Variants in NR1I3 observed in about 807,000 individuals in gnomAD.
The protein encoded by NR1I3 is constitutive activator of retinoid response.
NR1I3 carries 30 observed loss-of-function variants against 38.4 expected under a neutral mutation model. The ratio of observed to expected loss-of-function variants is 0.78; its 90% CI spans 0.58 to 1.06. The LOEUF (loss-of-function observed/expected upper bound fraction) is 1.06, where lower values mean the gene tolerates loss of function less well. Among genes scored for constraint, NR1I3 ranks in the 50% least tolerant of loss-of-function variants. The pLI is 0.00. For synonymous variants in NR1I3, 143 were observed against 165.1 expected (o/e 0.87, Z 1.03); for missense variants, 388 against 435.7 (o/e 0.89, Z 0.97).
Position 161,233,346 on chromosome 1 carries a change from A to G in NR1I3, c.239-8T>C. On this transcript the variant is annotated splice_polypyrimidine_tract_variant and splice_region_variant and intron_variant, in intron 3 of 8. Coordinates refer to ENST00000367983, the MANE Select transcript of NR1I3 (RefSeq NM_005122.5). ...CTTCTGCCGACAGTATCACTGTGCC[A>G]GGCAAGAGATCATGACAAAGCTGTT... 1 of 1,611,926 alleles carries G rather than the reference A, an allele frequency of 6.2e-7. No individual in the cohort carries two copies. The highest frequency in any genetic ancestry group is 8.5e-7 in the Non-Finnish European group (1 of 1,179,520).
At chr1:161,233,421 AG>A in intron 3 of NR1I3, 83 bp from the exon 4 acceptor site, 2 of 1,458,546 alleles carry the variant, frequency 1.4e-6, no homozygotes, top group Non-Finnish European at 1.9e-6. Flanking sequence ...GGGGCCCCTC[AG>A]CTGCCCTGCA....
intron 3 of NR1I3, among the ~76,000 whole-genome samples, chr1:161,234,139 C>T (rs1402649995): frequency 4.6e-5 from 7 of 151,348 alleles, no homozygotes; most frequent in African/African-American, 1.5e-4. Context: ...ATTACAGGCA[C>T]CCACCATCAC....
intron 1 of NR1I3, among the ~76,000 whole-genome samples, chr1:161,236,915 A>AT (rs58528236): frequency 4.8e-5 from 7 of 144,906 alleles, no homozygotes; most frequent in African/African-American, 1.1e-4. Context: ...TTATTTATTT[A>AT]TTTTTTTTGT....
Position 161,230,892 on chromosome 1 carries a change from C to T in NR1I3, c.838G>A (p.Glu280Lys), listed in dbSNP as rs768982496. The T allele has an allele frequency of 1.2e-6, 2 of 1,614,044 alleles. No individual in the cohort carries two copies. Among genetic ancestry groups the T allele is most frequent in the Non-Finnish European group, 8.5e-7 (1 of 1,180,036 alleles). The change falls in exon 8 of 9, where the codon GAG becomes AAG. Residue 280 changes from glutamate to lysine, a missense_variant. Transcript: ENST00000367983. ...ATCTCCTCTTGCAGCTGATCAATCT[C>T]ATCTCTCTGGGTAACTCCAGGTCGG... ...PDRPGVTQRD[E>K]IDQLQEEMAL...
rs1426193962 is a variant in NR1I3, at chr1:161,229,758, G to A, written c.*39C>T. 1.9e-6 allele frequency: 3 copies of A among 1,614,108 alleles called. No homozygotes were observed. Among genetic ancestry groups the A allele is most frequent in the Non-Finnish European group, 2.5e-6 (3 of 1,180,052 alleles). ...CATTTTCCCACTCCAGTGTATCCAG[G>A]GTGTTCCAGGTGAGCTGGGGAAGGA... On this transcript the variant is annotated 3_prime_UTR_variant, in exon 9 of 9. Transcript: ENST00000367983.
chr1:161,237,671 T>C (rs903794192), intron 1 of NR1I3, among the ~76,000 whole-genome samples: 2 of 151,504 alleles, frequency 1.3e-5, no homozygotes, highest in Admixed American at 6.6e-5. Context: ...CGAGCCGAGA[T>C]TGCGCCACTG....
chr1:161,233,561 C>T (rs1217147242), intron 3 of NR1I3, among the ~76,000 whole-genome samples: 1 of 152,036 alleles, frequency 6.6e-6, no homozygotes, highest in African/African-American at 2.4e-5. Context: ...CAGCAGAAAA[C>T]TGCACTGTGG....
At chr1:161,234,123 G>C (rs1445015738) in intron 3 of NR1I3, among the ~76,000 whole-genome samples, 2 of 151,130 alleles carry the variant, frequency 1.3e-5, no homozygotes, top group African/African-American at 2.4e-5. Flanking sequence ...CTCCTGACTA[G>C]CTGGGATTAC....
intron 5 of NR1I3, 86 bp from the exon 6 acceptor site, chr1:161,231,560 G>T (rs11265567): frequency 0.34 from 470,577 of 1,367,114 alleles, 83,305 homozygotes; most frequent in East Asian, 0.52. Flanking sequence ...GAGTGCAGTG[G>T]CGTGATCTCT....
Position 161,237,960 on chromosome 1 carries a change from A to T in NR1I3, c.-34+81T>A. The T allele has an allele frequency of 8.7e-6, 12 of 1,385,436 alleles. No homozygotes were observed. In the South Asian group the frequency reaches 1.3e-4, roughly 15 times the overall value. 85.8% of individuals were successfully genotyped at this position (1,385,436 alleles called of 1,614,324 possible). On this transcript the variant is annotated intron_variant, in intron 1 of 8. Coordinates refer to ENST00000367983, the MANE Select transcript of NR1I3 (RefSeq NM_005122.5). ...TGGCCTCCCAAAGTGCTGGAATGAC[A>T]CACGTGAGCCACTATGCCTAGCCCC...
rs751908933 is a variant in NR1I3 at position 161,236,476 on chromosome 1, G to A, written c.90C>T (p.Gly30=). ...ACTCTCACCTGAAGAAACCCTTGCA[G>A]CCCTCACAAGTCAGCGCATTAAAGT... ...GYHFNALTCE[G]CKGFFRRTVS... The change falls in exon 2 of 9, where the codon GGC becomes GGT. Residue 30 remains glycine, a synonymous_variant. Transcript: ENST00000367983. The A allele has an allele frequency of 3.1e-6, 5 of 1,614,034 alleles. No homozygotes were observed. In the Admixed American group the frequency reaches 8.3e-5, roughly 27 times the overall value.
rs2307416 is a variant in NR1I3 at position 161,229,711 on chromosome 1, C to G, written c.*86G>C. 6.2e-7 allele frequency: 1 copy of G among 1,614,190 alleles called. No homozygotes were observed. Among genetic ancestry groups the G allele is most frequent in the African/African-American group, 1.3e-5 (1 of 75,062 alleles). On this transcript the variant is annotated 3_prime_UTR_variant, in exon 9 of 9. Coordinates refer to ENST00000367983, the MANE Select transcript of NR1I3 (RefSeq NM_005122.5). ...TGCAACCACTGGGCTCCCTTTGAACCCGGCCCAATCTTTGGTCCCAGCATT... is the reference window on the plus strand; with the variant it reads ...TGCAACCACTGGGCTCCCTTTGAACGCGGCCCAATCTTTGGTCCCAGCATT...
At chr1:161,232,707 A>T in intron 5 of NR1I3, 100 bp downstream of exon 5, 1 of 1,186,302 alleles carries the variant, frequency 8.4e-7, no homozygotes, top group East Asian at 2.3e-5. Flanking sequence ...ATGCTTGGAA[A>T]GGCTGACGCA....
chr1:161,233,931 G>A (rs61801107), intron 3 of NR1I3, among the ~76,000 whole-genome samples: 2 of 101,630 alleles, frequency 2.0e-5, no homozygotes, highest in Non-Finnish European at 4.0e-5. Flanking sequence ...ATATATATGT[G>A]TATACATGTA....
chr1:161,230,613 A>C, intron 8 of NR1I3, 200 bp downstream of exon 8: 1 of 678,998 alleles, frequency 1.5e-6, no homozygotes, highest in Non-Finnish European at 2.4e-6. Flanking sequence ...AAAAAGTGAG[A>C]TGAAACAGCA....
intron 3 of NR1I3, among the ~76,000 whole-genome samples, chr1:161,234,388 A>G (rs1394004797): frequency 6.6e-6 from 1 of 152,266 alleles, no homozygotes; most frequent in East Asian, 1.9e-4. Context: ...ATTGAATTCA[A>G]ACCAAAATCT....
In NR1I3 at chr1:161,233,152, A is replaced by G; in HGVS notation, c.408+17T>C. The G allele has an allele frequency of 6.2e-7, 1 of 1,610,554 alleles. No individual in the cohort carries two copies. Among genetic ancestry groups the G allele is most frequent in the Non-Finnish European group, 8.5e-7 (1 of 1,176,974 alleles). On this transcript the variant is annotated intron_variant, in intron 4 of 8. Transcript: ENST00000367983. The stretch of plus-strand genomic sequence containing the variant: ...CCCTTTTAGTTGTATTCCAACCCAA[A>G]TCCTGTCGGTGCTCACCCTAAACTG...
chr1:161,235,654 G>T, intron 3 of NR1I3, 193 bp downstream of exon 3: 1 of 584,270 alleles, frequency 1.7e-6, no homozygotes, highest in Non-Finnish European at 3.0e-6. Flanking sequence ...TCTGAAAGGT[G>T]TTGTGGGAGA....
intron 1 of NR1I3, among the ~76,000 whole-genome samples, chr1:161,236,814 G>A (rs565565179): frequency 6.6e-6 from 1 of 151,494 alleles, no homozygotes; most frequent in African/African-American, 2.4e-5. Flanking sequence ...TGCAACCTCT[G>A]CCTCCTGGGC....
Sources: gnomAD v4.1 joint callset for allele counts (sites outside exome capture counted in the v4.1 genomes callset) on GRCh38, gnomAD v4.1.1 for gene constraint, MANE v1.5 for transcripts, NCBI Gene and HGNC (gene_info 2026-07-23, HGNC 2026-07-21) for gene names.